LILRA1: variants seen among roughly 807,000 people sequenced by gnomAD.
The protein encoded by LILRA1 is leukocyte immunoglobulin-like receptor subfamily A member 1.
Under a neutral mutation model 51.6 loss-of-function variants are expected in LILRA1, and 51 were observed. That is an observed-to-expected ratio of 0.99 (90% CI 0.79 to 1.25). The LOEUF (loss-of-function observed/expected upper bound fraction) is 1.25, where lower values mean the gene tolerates loss of function less well. LILRA1 is among the 50% of genes most tolerant of loss of function. The pLI, the probability that LILRA1 is intolerant of heterozygous loss-of-function variation, is 0.00. For synonymous variants in LILRA1, 305 were observed against 248.4 expected (o/e 1.23, Z -2.14); for missense variants, 660 against 611.7 (o/e 1.08, Z -0.83).
rs770333122 is a variant in LILRA1, at chr19:54,595,841, C to T, written c.864C>T (p.Ser288=). The T allele has an allele frequency of 3.7e-6, 6 of 1,614,168 alleles. No individual in the cohort carries two copies. The highest frequency in any genetic ancestry group is 3.3e-5 in the Admixed American group (2 of 60,026). Residue 288 remains serine, a synonymous_variant, in exon 6 of 10, where the codon AGC becomes AGT. Transcript: ENST00000251372. ...CCAACTTCACCCTGGGCCCTGTGAGCCGCTCCTACGGGGGCCAGTACAGAT... is the reference window on the plus strand; with the variant it reads ...CCAACTTCACCCTGGGCCCTGTGAGTCGCTCCTACGGGGGCCAGTACAGAT... ...SQANFTLGPV[S]RSYGGQYRCS...
rs890487502 is a variant in LILRA1 at position 54,600,691 on chromosome 19, A to G, written c.1352-8A>G. On this transcript the variant is annotated splice_polypyrimidine_tract_variant and splice_region_variant and intron_variant, in intron 9 of 9. Transcript: ENST00000251372. ...GACCTCTGTGACCTCTTTGCCCACC[A>G]TCCCCAGCCTCACACCCCCAGGATT... The G allele has an allele frequency of 6.2e-7, 1 of 1,613,968 alleles. No homozygotes were observed. The highest frequency in any genetic ancestry group is 2.2e-5 in the East Asian group (1 of 44,872).
rs140572750 is a variant in LILRA1 at position 54,596,204 on chromosome 19, G to C, written c.974G>C (p.Arg325Thr). The change falls in exon 7 of 10, where the codon AGA becomes ACA. Residue 325 changes from arginine to threonine, a missense_variant. Physicochemically the swap from Arg to Thr is moderately conservative, Grantham distance 71. Transcript: ENST00000251372. The stretch of plus-strand genomic sequence containing the variant: ...TTCTCTCCAGGACAGTTCCGTGGCA[G>C]ACCCTTCATCTCGGTGCATCCGGGC... ...DILIAGQFRG[R>T]PFISVHPGPT... 6.9e-5 allele frequency: 112 copies of C among 1,613,854 alleles called. 1 individual carries two copies. The East Asian group carries it at 2.1e-3, about 31-fold the overall frequency.
At position 54,602,233 on chromosome 19, in the gene LILRA1, C is replaced by T. The variant is rs374654177; in HGVS notation, c.*1416C>T. 4.6e-4 allele frequency: 70 copies of T among 151,972 alleles called. 1 individual carries two copies. In the South Asian group the frequency reaches 4.8e-3, roughly 10 times the overall value. The allele number at this position is 151,972 out of a possible 1,614,324, so 9.4% of individuals were successfully genotyped here. A position where few individuals can be genotyped will look rare whatever the true frequency, so the allele number is the denominator to read the frequency against. ...AGAATAAAGAAATCTTATCATTCACCGTCTACCCTCTAGAGTAAACAAATC... is the reference window on the plus strand; with the variant it reads ...AGAATAAAGAAATCTTATCATTCACTGTCTACCCTCTAGAGTAAACAAATC... On this transcript the variant is annotated 3_prime_UTR_variant, in exon 10 of 10. Coordinates refer to ENST00000251372, the MANE Select transcript of LILRA1 (RefSeq NM_006863.4).
At chr19:54,597,093 A>G (rs1157556828) in intron 7 of LILRA1, among the ~76,000 whole-genome samples, 1 of 152,246 alleles carries the variant, frequency 6.6e-6, no homozygotes, top group Non-Finnish European at 1.5e-5. Context: ...TCCCCTCCTG[A>G]TGTCTCCACC....
Position 54,600,588 on chromosome 19 carries a change from C to T in LILRA1, c.1351+38C>T, listed in dbSNP as rs758919570. On this transcript the variant is annotated intron_variant, in intron 9 of 9. Coordinates refer to ENST00000251372, the MANE Select transcript of LILRA1 (RefSeq NM_006863.4). ...ATGCTCTCGTTTACGGTGCTGGGCA[C>T]AAGGGTTGGGTCCTGTCAAGGGTAA... is the stretch of plus-strand genomic sequence containing the variant. 36 of 1,613,558 alleles carry T rather than the reference C, an allele frequency of 2.2e-5. No homozygotes were observed. In the Admixed American group the frequency reaches 6.0e-4, roughly 27 times the overall value.
intron 5 of LILRA1, 35 bp from the exon 6 acceptor site, chr19:54,595,604 G>A (rs1257408656): frequency 1.3e-6 from 2 of 1,581,298 alleles, no homozygotes; most frequent in African/African-American, 2.7e-5. Context: ...AAGCCTGAGG[G>A]TCGGCTCCTG....
chr19:54,594,545 T>G, intron 3 of LILRA1, 69 bp downstream of exon 3: 2 of 1,613,672 alleles, frequency 1.2e-6, no homozygotes, highest in South Asian at 2.2e-5. Flanking sequence ...CCCGTGCAGC[T>G]GGGGATGGGG....
chr19:54,601,102 A>C lies in LILRA1; in HGVS notation c.*285A>C. 3.9e-6 allele frequency: 2 copies of C among 515,668 alleles called. No homozygotes were observed. Among genetic ancestry groups the C allele is most frequent in the South Asian group, 4.3e-5 (2 of 47,020 alleles). 31.9% of individuals were successfully genotyped at this position (515,668 alleles called of 1,614,324 possible). A position where few individuals can be genotyped will look rare whatever the true frequency, so the allele number is the denominator to read the frequency against. ...CTTTCCCCACCCCCAGACAGACATG[A>C]GGCTACATCCCACATGGCAGCGTTG... On this transcript the variant is annotated 3_prime_UTR_variant, in exon 10 of 10. Coordinates refer to ENST00000251372, the MANE Select transcript of LILRA1 (RefSeq NM_006863.4).
At chr19:54,599,162 T>A in intron 7 of LILRA1, 74 bp from the exon 8 acceptor site, 1 of 1,406,562 alleles carries the variant, frequency 7.1e-7, no homozygotes, top group South Asian at 1.2e-5. Flanking sequence ...ATATAAGTTA[T>A]ACATAATCTT....
rs746377935 is a variant in LILRA1 at position 54,596,505 on chromosome 19, C to A, written c.1261+14C>A. 27 of 1,613,930 alleles carry A rather than the reference C, an allele frequency of 1.7e-5. No individual in the cohort carries two copies. The highest frequency in any genetic ancestry group is 2.1e-5 in the Non-Finnish European group (25 of 1,179,982). On this transcript the variant is annotated intron_variant, in intron 7 of 9. Transcript: ENST00000251372. ...TCATGGTCTCAGGTGAGGGCCCTGA[C>A]CCTGTCCTCTCCGAGCTCAAAGGAT...
intron 7 of LILRA1, among the ~76,000 whole-genome samples, chr19:54,598,643 A>G (rs1222123205): frequency 6.6e-6 from 1 of 152,192 alleles, no homozygotes; most frequent in Non-Finnish European, 1.5e-5. Context: ...GCAATTTGGT[A>G]GTGGGTTAAT....
intron 8 of LILRA1, chr19:54,599,521 G>A: frequency 1.7e-6 from 2 of 1,193,820 alleles, no homozygotes; most frequent in Non-Finnish European, 2.1e-6. Flanking sequence ...TGTATTTCAT[G>A]CTAACTCACT....
chr19:54,600,787 T>C lies in LILRA1; in HGVS notation c.1440T>C (p.Phe480=). The C allele has an allele frequency of 6.2e-7, 1 of 1,614,082 alleles. No individual in the cohort carries two copies. The highest frequency in any genetic ancestry group is 8.5e-7 in the Non-Finnish European group (1 of 1,180,006). The change falls in exon 10 of 10, where the codon TTT becomes TTC. Residue 480 remains phenylalanine, a synonymous_variant. Coordinates refer to ENST00000251372, the MANE Select transcript of LILRA1 (RefSeq NM_006863.4). ...TGGTGGTCCTCGGGATTCTGCTATTTGAGGCTCAGCACAGCCAGAGAAGCC... is the reference window on the plus strand; with the variant it reads ...TGGTGGTCCTCGGGATTCTGCTATTCGAGGCTCAGCACAGCCAGAGAAGCC... ...LVLVVLGILL[F]EAQHSQRSL is the part of the protein sequence containing the mutation.
At chr19:54,595,600 G>A in intron 5 of LILRA1, 39 bp from the exon 6 acceptor site, 1 of 1,578,234 alleles carries the variant, frequency 6.3e-7, no homozygotes, top group South Asian at 1.2e-5. Context: ...GGGGAAGCCT[G>A]AGGGTCGGCT....
At position 54,596,196 on chromosome 19, in the gene LILRA1, C is replaced by T; in HGVS notation, c.966C>T (p.Phe322=). Residue 322 remains phenylalanine, a synonymous_variant, in exon 7 of 10, where the codon TTC becomes TTT. Coordinates refer to ENST00000251372, the MANE Select transcript of LILRA1 (RefSeq NM_006863.4). ...DPLDILIAGQ[F]RGRPFISVHP... is the part of the protein sequence containing the mutation. Reference sequence around the variant, plus strand: ...CATCCTTCTTCTCTCCAGGACAGTTCCGTGGCAGACCCTTCATCTCGGTGC... The same window carrying T: ...CATCCTTCTTCTCTCCAGGACAGTTTCGTGGCAGACCCTTCATCTCGGTGC... The T allele has an allele frequency of 1.2e-6, 2 of 1,613,666 alleles. No individual in the cohort carries two copies. Among genetic ancestry groups the T allele is most frequent in the Admixed American group, 1.7e-5 (1 of 60,000 alleles).
rs765709845 is a variant in LILRA1 at position 54,594,912 on chromosome 19, C to T, written c.318C>T (p.Gly106=). The change falls in exon 4 of 10, where the codon GGC becomes GGT. Residue 106 remains glycine, a synonymous_variant. Transcript: ENST00000251372. ...GTTTCTACGGTAGCCACACTGCAGGCTGGTCAGAGCCCAGTGACCCCCTGG... is the reference window on the plus strand; with the variant it reads ...GTTTCTACGGTAGCCACACTGCAGGTTGGTCAGAGCCCAGTGACCCCCTGG... ...YRCFYGSHTA[G]WSEPSDPLEL... is the part of the protein sequence containing the mutation. 5.6e-6 allele frequency: 9 copies of T among 1,613,948 alleles called. No individual in the cohort carries two copies. Among genetic ancestry groups the T allele is most frequent in the African/African-American group, 1.3e-5 (1 of 74,912 alleles).
rs753339975 is a variant in LILRA1, at chr19:54,596,279, G to A, written c.1049G>A (p.Gly350Glu). 6.2e-7 allele frequency: 1 copy of A among 1,613,974 alleles called. No individual in the cohort carries two copies. The highest frequency in any genetic ancestry group is 8.5e-7 in the Non-Finnish European group (1 of 1,180,030). Residue 350 changes from glycine (G) to glutamate (E), a missense_variant, in exon 7 of 10, where the codon GGG becomes GAG. By Grantham distance (98) the Gly-to-Glu change is moderately conservative. Coordinates refer to ENST00000251372, the MANE Select transcript of LILRA1 (RefSeq NM_006863.4). ...GTGACCCTGCTGTGTCAGTCATGGG[G>A]GCCGTTCCACACTTTCCTTCTGACC... ...ENVTLLCQSW[G>E]PFHTFLLTKA...
At chr19:54,599,937 T>G (rs1417252037) in intron 8 of LILRA1, among the ~76,000 whole-genome samples, 1 of 152,164 alleles carries the variant, frequency 6.6e-6, no homozygotes, top group African/African-American at 2.4e-5. Flanking sequence ...TATATATATA[T>G]GTTTGTATGT....
rs747596999 is a variant in LILRA1 at position 54,594,694 on chromosome 19, G to A, written c.100G>A (p.Glu34Lys). 2 of 1,613,566 alleles carry A rather than the reference G, an allele frequency of 1.2e-6. No homozygotes were observed. Among genetic ancestry groups the A allele is most frequent in the Non-Finnish European group, 1.7e-6 (2 of 1,179,732 alleles). ...CCTCCCCAAGCCCACACTCTGGGCT[G>A]AGCCAGGCTCTGTGATCACCCAGGG... ...GTLPKPTLWA[E>K]PGSVITQGSP... The change falls in exon 4 of 10, where the codon GAG becomes AAG. Residue 34 changes from glutamate to lysine, a missense_variant. Glu to Lys is a moderately conservative substitution (Grantham distance 56). Transcript: ENST00000251372.
Sources: allele counts gnomAD v4.1 joint callset (sites outside exome capture counted in the v4.1 genomes callset), GRCh38; gene constraint gnomAD v4.1.1; transcripts MANE v1.5; gene names NCBI Gene and HGNC (gene_info 2026-07-23, HGNC 2026-07-21).